CRB1: variants seen among roughly 807,000 people sequenced by gnomAD.
CRB1 encodes protein crumbs homolog 1.
A neutral mutation model predicts 120.0 loss-of-function variants in CRB1; 83 were observed. The observed-to-expected ratio is 0.69, with a 90% CI of 0.58 to 0.83. The LOEUF (loss-of-function observed/expected upper bound fraction) is 0.83. Ranked by LOEUF, CRB1 falls within the 40% of genes least tolerant of loss-of-function variation. CRB1 has a pLI of 0.00. For missense variants in CRB1, 1,699 were observed against 1,687.6 expected (o/e 1.01, Z -0.12); for synonymous variants, 625 against 612.5 (o/e 1.02, Z -0.30).
chr1:197,308,358 C>G (rs1342766808), intron 1 of CRB1, among the ~76,000 whole-genome samples: 2 of 152,144 alleles, frequency 1.3e-5, no homozygotes, highest in African/African-American at 4.8e-5. Flanking sequence ...TTACTCCAGT[C>G]CTCAGCATCA....
intron 5 of CRB1, among the ~76,000 whole-genome samples, chr1:197,407,410 G>T (rs1663468507): frequency 6.6e-6 from 1 of 152,132 alleles, no homozygotes; most frequent in Non-Finnish European, 1.5e-5. Flanking sequence ...AAAAGTCACT[G>T]CCATTTTTTA....
chr1:197,266,187 C>T (rs1036647224), upstream of CRB1, among the ~76,000 whole-genome samples: 2 of 152,064 alleles, frequency 1.3e-5, no homozygotes, highest in African/African-American at 2.4e-5. Context: ...TTTTTTCATA[C>T]TGCTATAACA....
At chr1:197,344,628 A>C in intron 3 of CRB1, 152 bp downstream of exon 3, 1 of 731,590 alleles carries the variant, frequency 1.4e-6, no homozygotes, top group South Asian at 1.7e-5. Context: ...AGATTTCACT[A>C]AAAAGGGTAT....
chr1:197,254,771 T>C, the CRB1 span, among the ~76,000 whole-genome samples: 6 of 152,240 alleles, frequency 3.9e-5, no homozygotes, highest in East Asian at 7.7e-4. Context: ...AATCAAATAA[T>C]TGCTTTATCT....
intron 5 of CRB1, among the ~76,000 whole-genome samples, chr1:197,412,119 C>T (rs1421746509): frequency 6.6e-6 from 1 of 152,216 alleles, no homozygotes; most frequent in Non-Finnish European, 1.5e-5. Flanking sequence ...CTGTAAGGAA[C>T]AGGCATGGGA....
At chr1:197,327,123 A>AG (rs762419166) in intron 1 of CRB1, among the ~76,000 whole-genome samples, 3 of 127,990 alleles carry the variant, frequency 2.3e-5, no homozygotes, top group Non-Finnish European at 4.9e-5. Flanking sequence ...AAAAAAAAAA[A>AG]AAAAAAAAAC....
chr1:197,374,356 G>T (rs986639636), intron 5 of CRB1, among the ~76,000 whole-genome samples: 4 of 152,138 alleles, frequency 2.6e-5, no homozygotes, highest in Non-Finnish European at 5.9e-5. Flanking sequence ...TTTCTAAGGG[G>T]CTGGTGACCA....
At chr1:197,341,678 C>T (rs1460674038) in intron 2 of CRB1, among the ~76,000 whole-genome samples, 7 of 152,226 alleles carry the variant, frequency 4.6e-5, no homozygotes, top group Non-Finnish European at 8.8e-5. Context: ...TACCTATAGT[C>T]TCTTCTCAAC....
the CRB1 span, among the ~76,000 whole-genome samples, chr1:197,214,988 C>T: frequency 6.6e-6 from 1 of 152,070 alleles, no homozygotes; most frequent in Admixed American, 6.5e-5. Flanking sequence ...GGATCACAAG[C>T]CTTGATCAAG....
chr1:197,478,230 T>C lies in CRB1; in HGVS notation c.*351T>C. The stretch of plus-strand genomic sequence containing the variant: ...AATTTTAGTTTTCATTTTAGGTTTC[T>C]GTACTTTCTGTAGTTTCTGTGTAAA... On this transcript the variant is annotated 3_prime_UTR_variant, in exon 12 of 12. Coordinates refer to ENST00000367400, the MANE Select transcript of CRB1 (RefSeq NM_201253.3). The C allele has an allele frequency of 3.1e-6, 1 of 324,878 alleles. No individual in the cohort carries two copies. The highest frequency in any genetic ancestry group is 2.8e-5 in the South Asian group (1 of 35,866). The allele number at this position is 324,878 out of a possible 1,614,324, so 20.1% of individuals were successfully genotyped here.
chr1:197,244,391 G>A, the CRB1 span, among the ~76,000 whole-genome samples: 1 of 151,854 alleles, frequency 6.6e-6, no homozygotes, highest in Non-Finnish European at 1.5e-5. Context: ...TCCTTAGAAT[G>A]TCTTGGTATC....
At chr1:197,261,600 C>T in the CRB1 span, among the ~76,000 whole-genome samples, 1 of 152,124 alleles carries the variant, frequency 6.6e-6, no homozygotes, top group Non-Finnish European at 1.5e-5. Context: ...CAAACTGTAG[C>T]ATAGAGTGGT....
rs146023717 is a variant in CRB1 at position 197,314,723 on chromosome 1, G to A, written c.71-13699G>A. ...TATGGCATCTTTCTTTCTGTATAAT[G>A]TGGTCTCTACTCCTAAAGAAAGGCC... On this transcript the variant is annotated intron_variant, in intron 1 of 11. Coordinates refer to ENST00000367400, the MANE Select transcript of CRB1 (RefSeq NM_201253.3). Among the ~76,000 whole-genome samples, 481 of 152,188 alleles carry A rather than the reference G, an allele frequency of 3.2e-3. 2 individuals carry two copies. The highest frequency in any genetic ancestry group is 5.9e-3 in the Non-Finnish European group (399 of 68,000).
intron 5 of CRB1, among the ~76,000 whole-genome samples, chr1:197,379,164 C>T (rs1314485032): frequency 3.9e-5 from 6 of 152,084 alleles, no homozygotes; most frequent in South Asian, 2.1e-4. Context: ...CAAAGATGTA[C>T]GTAAAATCAA....
the CRB1 span, among the ~76,000 whole-genome samples, chr1:197,206,767 A>C: frequency 1.5e-4 from 23 of 152,166 alleles, no homozygotes; most frequent in African/African-American, 4.8e-4. Flanking sequence ...TCTAAAGTAT[A>C]GTTTAAATCC....
At chr1:197,274,817 GC>G (rs1257083829) in intron 1 of CRB1, among the ~76,000 whole-genome samples, 37 of 152,062 alleles carry the variant, frequency 2.4e-4, no homozygotes, top group African/African-American at 8.4e-4. Flanking sequence ...AGCACGGTTT[GC>G]TTAAACACTC....
At chr1:197,389,709 C>T (rs917607504) in intron 5 of CRB1, among the ~76,000 whole-genome samples, 21 of 138,506 alleles carry the variant, frequency 1.5e-4, no homozygotes, top group African/African-American at 3.7e-4. Context: ...TATTTTACCA[C>T]AATAAAAAAA....
intron 4 of CRB1, among the ~76,000 whole-genome samples, chr1:197,354,854 CCGCCCA>C (rs2125349922): frequency 8.5e-5 from 1 of 11,768 alleles, no homozygotes; most frequent in African/African-American, 2.5e-4. Context: ...CCCCCCCCCC[CCGCCCA>C]CCCACCCACA....
chr1:197,311,383 G>C (rs1410760837), intron 1 of CRB1, among the ~76,000 whole-genome samples: 2 of 152,192 alleles, frequency 1.3e-5, no homozygotes, highest in African/African-American at 4.8e-5. Context: ...AGAGCCTGCA[G>C]GGTGAGGACA....
Sources: gnomAD v4.1 joint callset for allele counts (sites outside exome capture counted in the v4.1 genomes callset) on GRCh38, gnomAD v4.1.1 for gene constraint, MANE v1.5 for transcripts, NCBI Gene and HGNC (gene_info 2026-07-23, HGNC 2026-07-21) for gene names.